The following CCL14 variants were observed in gnomAD, a reference collection of about 807,000 sequenced individuals.
CCL14 encodes the protein C-C motif chemokine ligand 14, also known as C-C motif chemokine 14.
In CCL14, 8 loss-of-function variants were observed where a neutral mutation model predicts 8.2. The observed-to-expected ratio is 0.98, with a 90% confidence interval of 0.57 to 1.76. CCL14 has a LOEUF of 1.76. Ranked by LOEUF, CCL14 falls within the 40% of genes most tolerant of loss-of-function variation. The pLI is 0.00. For synonymous variants in CCL14, 50 were observed against 43.2 expected, an observed-to-expected ratio of 1.16 and a Z score of -0.62; for missense variants, 127 against 118.3, an observed-to-expected ratio of 1.07 and a Z score of -0.34.
At position 35,986,572 on chromosome 17, in the gene CCL14, TGAG is replaced by T. The variant is rs757932519; in HGVS notation, c.75_77del (p.Ser26del). The T allele has an allele frequency of 9.3e-6, 15 of 1,612,006 alleles. No individual in the cohort carries two copies. Among genetic ancestry groups the T allele is most frequent in the Non-Finnish European group, 1.2e-5 (14 of 1,178,372 alleles). On this transcript the variant is annotated inframe_deletion and splice_region_variant, in exon 1 of 3. Transcript: ENST00000618404. ...AGGAAGACAAGGCATTGCACTCACG[TGAG>T]GAGGATTCAGTCTTGGTCCCTAGGG...
At chr17:35,985,725 G>C in intron 1 of CCL14, 1 of 1,545,570 alleles carries the variant, frequency 6.5e-7, no homozygotes. Flanking sequence ...CATCGGAGAG[G>C]GCAAGTCAAA....
intron 1 of CCL14, chr17:35,985,836 T>A: frequency 6.7e-7 from 1 of 1,495,018 alleles, no homozygotes; most frequent in Non-Finnish European, 9.1e-7. Context: ...TGATAAATAG[T>A]TTTGGTTATC....
chr17:35,986,477 TC>T, intron 1 of CCL14, 93 bp downstream of exon 1: 1 of 912,546 alleles, frequency 1.1e-6, no homozygotes, highest in Admixed American at 1.9e-5. Flanking sequence ...CCTTTCTGAG[TC>T]CCTGCTCCTG....
Position 35,983,840 on chromosome 17 carries a change from C to T in CCL14, c.243G>A (p.Lys81=). Residue 81 remains lysine (K), a synonymous_variant, in exon 3 of 3, where the codon AAG becomes AAA. Transcript: ENST00000618404. Reference sequence around the variant, plus strand: ...TGTCCTTGATATAGTCCTGGACCCACTTGTCACTGGGGTTGGTACAGACGG... The same window carrying T: ...TGTCCTTGATATAGTCCTGGACCCATTTGTCACTGGGGTTGGTACAGACGG... ...GHSVCTNPSD[K]WVQDYIKDMK... 1.9e-6 allele frequency: 3 copies of T among 1,614,092 alleles called. No individual in the cohort carries two copies. Among genetic ancestry groups the T allele is most frequent in the Non-Finnish European group, 1.7e-6 (2 of 1,179,954 alleles).
chr17:35,985,716 A>G, intron 1 of CCL14: 1 of 1,541,358 alleles, frequency 6.5e-7, no homozygotes, highest in Non-Finnish European at 8.8e-7. Flanking sequence ...GACAAATGAC[A>G]TCGGAGAGGG....
At position 35,984,329 on chromosome 17, in the gene CCL14, A is replaced by G; in HGVS notation, c.194+9T>C. ...TCTCCCCCCAGTGTGATGTGTGTGT[A>G]CCACCTACACAATTCCGGGCTTGGA... On this transcript the variant is annotated intron_variant, in intron 2 of 2. Transcript: ENST00000618404. 1 of 1,581,416 alleles carries G rather than the reference A, an allele frequency of 6.3e-7. No individual in the cohort carries two copies. The highest frequency in any genetic ancestry group is 8.7e-7 in the Non-Finnish European group (1 of 1,150,510).
intron 1 of CCL14, chr17:35,985,927 C>T: frequency 1.4e-6 from 1 of 733,272 alleles, no homozygotes; most frequent in East Asian, 2.7e-5. Context: ...TTCCCCCCAG[C>T]CCATACCCAA....
At position 35,986,574 on chromosome 17, in the gene CCL14, AGGAG is replaced by A; in HGVS notation, c.72_75del (p.Ser25HisfsTer65). 6.2e-7 allele frequency: 1 copy of A among 1,612,620 alleles called. No homozygotes were observed. Among genetic ancestry groups the A allele is most frequent in the Non-Finnish European group, 8.5e-7 (1 of 1,178,748 alleles). On this transcript the variant is annotated frameshift_variant, in exon 1 of 3. Coordinates refer to ENST00000618404, the MANE Select transcript of CCL14 (RefSeq NM_032963.4). LOFTEE classifies it high-confidence loss of function. ...GAAGACAAGGCATTGCACTCACGTG[AGGAG>A]GATTCAGTCTTGGTCCCTAGGGCGA...
At chr17:35,985,643 G>A in intron 1 of CCL14, 3 of 959,466 alleles carry the variant, frequency 3.1e-6, no homozygotes, top group Non-Finnish European at 3.2e-6. Context: ...ACGGCATAAG[G>A]GGCCCCTGTT....
At chr17:35,984,758 C>T (rs984607825) in intron 1 of CCL14, 6 of 496,466 alleles carry the variant, frequency 1.2e-5, no homozygotes, top group African/African-American at 7.7e-5. Flanking sequence ...CTTACACCAT[C>T]TCTGGGGGCC....
intron 1 of CCL14, chr17:35,984,796 C>T (rs1598736398): frequency 4.2e-6 from 2 of 477,816 alleles, no homozygotes; most frequent in East Asian, 3.1e-5. Context: ...AGGGACTTGG[C>T]CAATATCATG....
chr17:35,985,650 TG>T, intron 1 of CCL14: 1 of 1,067,252 alleles, frequency 9.4e-7, no homozygotes, highest in East Asian at 2.6e-5. Flanking sequence ...AAGGGGCCCC[TG>T]TTTCCTGAGA....
intron 1 of CCL14, 90 bp downstream of exon 1, chr17:35,986,481 T>G: frequency 1.0e-6 from 1 of 975,272 alleles, no homozygotes. Context: ...TCTGAGTCCC[T>G]GCTCCTGGTC....
In CCL14 at chr17:35,986,625, G is replaced by A; in HGVS notation, c.25C>T (p.Pro9Ser). ...GCGATGGTGATGAGGAGGAAGAAGG[G>A]AATGGCAGCCACGGAGATCTTCATG... Reference protein sequence around the residue: MKISVAAIPFFLLITIALG... With the variant: MKISVAAISFFLLITIALG... Residue 9 changes from proline (P) to serine (S), a missense_variant, in exon 1 of 3, where the codon CCC becomes TCC. Physicochemically the swap from Pro to Ser is moderately conservative, Grantham distance 74 (BLOSUM62 -1). Coordinates refer to ENST00000618404, the MANE Select transcript of CCL14 (RefSeq NM_032963.4). 6.2e-7 allele frequency: 1 copy of A among 1,613,912 alleles called. No individual in the cohort carries two copies. The highest frequency in any genetic ancestry group is 1.1e-5 in the South Asian group (1 of 91,074).
rs143984784 is a variant in CCL14, at chr17:35,986,708, C to T, written c.-59G>A. 3.5e-3 allele frequency: 4,361 copies of T among 1,249,354 alleles called. 22 individuals carry two copies. Among genetic ancestry groups the T allele is most frequent in the Non-Finnish European group, 3.4e-3 (2,924 of 849,320 alleles). 77.4% of individuals were successfully genotyped at this position (1,249,354 alleles called of 1,614,324 possible). On this transcript the variant is annotated 5_prime_UTR_variant, in exon 1 of 3. Transcript: ENST00000618404. ...CTGGTGGGAGCTTCAGAGGCTCCTG[C>T]GGTGAGGAATTGTTGAGAAATGATC...
chr17:35,984,670 C>T (rs2089733865), intron 1 of CCL14: 2 of 589,888 alleles, frequency 3.4e-6, no homozygotes, highest in Non-Finnish European at 6.0e-6. Flanking sequence ...CACCCTTCCT[C>T]CTTTTCTTCA....
chr17:35,984,964 A>G (rs1390806118), intron 1 of CCL14: 1 of 182,234 alleles, frequency 5.5e-6, no homozygotes, highest in Non-Finnish European at 1.1e-5. Context: ...CAACCTGCAG[A>G]GAGAGCAGGA....
chr17:35,985,926 G>A, intron 1 of CCL14: 1 of 734,814 alleles, frequency 1.4e-6, no homozygotes, highest in South Asian at 1.8e-5. Context: ...TTTCCCCCCA[G>A]CCCATACCCA....
intron 2 of CCL14, 126 bp from the exon 3 acceptor site, chr17:35,984,014 A>G (rs2089714922): frequency 1.3e-6 from 1 of 752,648 alleles, no homozygotes; most frequent in Admixed American, 2.0e-5. Context: ...CCACAGAGGC[A>G]GCTTAGAGCC....
Sources: allele counts gnomAD v4.1 joint callset, GRCh38; gene constraint gnomAD v4.1.1; transcripts MANE v1.5; gene names NCBI Gene and HGNC (gene_info 2026-07-23, HGNC 2026-07-21).